The following SCARA5 variants were observed in gnomAD, a reference collection of about 807,000 sequenced individuals.
SCARA5 encodes scavenger receptor class A, member 5 (putative).
A neutral mutation model predicts 46.3 loss-of-function variants in SCARA5; 45 were observed. The observed-to-expected ratio is 0.97, with a 90% CI of 0.76 to 1.24. The LOEUF (loss-of-function observed/expected upper bound fraction) is 1.24. Among genes scored for constraint, SCARA5 ranks in the 50% most tolerant of loss-of-function variants. SCARA5 has a pLI of 0.00. For synonymous variants in SCARA5, 333 were observed against 306.5 expected (o/e 1.09, Z -0.90); for missense variants, 680 against 689.0 (o/e 0.99, Z 0.15).
In SCARA5 at chr8:27,938,202, C is replaced by G. The variant is rs930789548; in HGVS notation, c.242-15957G>C. Among the ~76,000 whole-genome samples the G allele has an allele frequency of 1.3e-4, 20 of 152,318 alleles. No homozygotes were observed. In the South Asian group the frequency reaches 1.7e-3, roughly 13 times the overall value. ...GCGCTTCCTCAAATCACTGATGCCA[C>G]CCTTGGCTAACACACGTGCAGGGTC... On this transcript the variant is annotated intron_variant, in intron 3 of 8. Transcript: ENST00000354914.
chr8:27,921,112 C>T (rs758738948), intron 4 of SCARA5, among the ~76,000 whole-genome samples: 5 of 152,226 alleles, frequency 3.3e-5, no homozygotes, highest in Non-Finnish European at 7.3e-5. Context: ...GCCTAGAAGG[C>T]CAGGTTCAAG....
intron 7 of SCARA5, among the ~76,000 whole-genome samples, chr8:27,884,016 GAA>G (rs1806852677): frequency 6.6e-6 from 1 of 152,082 alleles, no homozygotes. Flanking sequence ...AGAAAGGAGA[GAA>G]CTCAGAACTG....
At chr8:27,912,206 T>G (rs1420288544) in intron 4 of SCARA5, among the ~76,000 whole-genome samples, 1 of 152,188 alleles carries the variant, frequency 6.6e-6, no homozygotes. Context: ...AGTAACGTCT[T>G]GCACAATAAA....
At chr8:27,913,148 T>A (rs1807404152) in intron 4 of SCARA5, among the ~76,000 whole-genome samples, 1 of 152,192 alleles carries the variant, frequency 6.6e-6, no homozygotes, top group South Asian at 2.1e-4. Flanking sequence ...GAGGCAGGGC[T>A]CAAGAACATG....
chr8:27,962,378 A>G (rs1268082166), intron 3 of SCARA5, among the ~76,000 whole-genome samples: 2 of 152,218 alleles, frequency 1.3e-5, no homozygotes, highest in Non-Finnish European at 2.9e-5. Context: ...GAGACAGAAA[A>G]TAATTGGTGC....
At chr8:27,930,322 G>C (rs1585496503) in intron 3 of SCARA5, among the ~76,000 whole-genome samples, 1 of 152,124 alleles carries the variant, frequency 6.6e-6, no homozygotes, top group Non-Finnish European at 1.5e-5. Flanking sequence ...TCTCTTGTCT[G>C]CTGCCATGTG....
intron 7 of SCARA5, among the ~76,000 whole-genome samples, chr8:27,902,357 T>G (rs958705906): frequency 6.8e-6 from 1 of 147,100 alleles, no homozygotes; most frequent in African/African-American, 2.5e-5. Context: ...CCCGCACCCC[T>G]GTGGCTCTGG....
chr8:27,963,957 G>T (rs1036579636), intron 3 of SCARA5, among the ~76,000 whole-genome samples: 4 of 152,152 alleles, frequency 2.6e-5, no homozygotes, highest in Admixed American at 2.6e-4. Context: ...TGACCTCTCT[G>T]GGCACAGGCA....
intron 3 of SCARA5, among the ~76,000 whole-genome samples, chr8:27,950,410 GC>G (rs2129898524): frequency 1.4e-5 from 1 of 73,946 alleles, no homozygotes; most frequent in African/African-American, 3.9e-5. Flanking sequence ...TCATGCCCGT[GC>G]TTGGGGGGCA....
intron 3 of SCARA5, among the ~76,000 whole-genome samples, chr8:27,945,697 A>C (rs1808025113): frequency 6.6e-6 from 1 of 152,136 alleles, no homozygotes; most frequent in Non-Finnish European, 1.5e-5. Flanking sequence ...CCCCTATAGC[A>C]CCCCATGGTA....
intron 3 of SCARA5, among the ~76,000 whole-genome samples, chr8:27,957,977 G>A (rs1241879753): frequency 6.6e-6 from 1 of 152,158 alleles, no homozygotes; most frequent in Admixed American, 6.5e-5. Context: ...AAGCAGCCAA[G>A]CAGTACACAA....
chr8:27,949,409 G>T (rs1465726869), intron 3 of SCARA5, among the ~76,000 whole-genome samples: 1 of 152,194 alleles, frequency 6.6e-6, no homozygotes, highest in Non-Finnish European at 1.5e-5. Flanking sequence ...CTGTGAATGG[G>T]GATAATAGTG....
intron 3 of SCARA5, among the ~76,000 whole-genome samples, chr8:27,936,257 T>C (rs1016953453): frequency 1.7e-4 from 26 of 152,122 alleles, no homozygotes; most frequent in Admixed American, 1.3e-3. Context: ...CCTGAATGCC[T>C]CCCTGAGCTG....
At chr8:27,879,854 G>A in intron 7 of SCARA5, 88 bp from the exon 8 acceptor site, 2 of 1,309,764 alleles carry the variant, frequency 1.5e-6, no homozygotes. Context: ...CTACCCCTGG[G>A]TAGGAGGAAG....
At chr8:27,974,014 T>C (rs570477055) in intron 2 of SCARA5, among the ~76,000 whole-genome samples, 68 of 152,246 alleles carry the variant, frequency 4.5e-4, no homozygotes, top group Middle Eastern at 6.8e-3. Context: ...GCAACGGACA[T>C]TAAAGAACAG....
In SCARA5 at chr8:27,904,467, A is replaced by G. The variant is rs546967071; in HGVS notation, c.1153+311T>C. ...TAAGGTAAAGACTCCTGTTATCCCT[A>G]TTTTATAGATGAGAACACTGAGGCA... On this transcript the variant is annotated intron_variant, in intron 7 of 8. Transcript: ENST00000354914. The G allele has an allele frequency of 6.4e-5, 33 of 514,002 alleles. No individual in the cohort carries two copies. The Admixed American group carries it at 6.6e-4, about 10-fold the overall frequency. 31.8% of individuals were successfully genotyped at this position (514,002 alleles called of 1,614,324 possible).
rs572657282 is a variant in SCARA5, at chr8:27,949,622, C to T, written c.241+16792G>A. On this transcript the variant is annotated intron_variant, in intron 3 of 8. Coordinates refer to ENST00000354914, the MANE Select transcript of SCARA5 (RefSeq NM_173833.6). The stretch of plus-strand genomic sequence containing the variant: ...CAGCCTGGAAGCAGGGCAGGCAGAT[C>T]GGAGAGCAGCAGCAGTGCCTGACTC... 1.4e-3 allele frequency among the ~76,000 whole-genome samples: 215 copies of T among 152,320 alleles called. 4 individuals are homozygous for T. The South Asian group carries it at 0.032, about 22-fold the overall frequency.
At chr8:27,925,505 T>A (rs1345675208) in intron 3 of SCARA5, among the ~76,000 whole-genome samples, 1 of 152,198 alleles carries the variant, frequency 6.6e-6, no homozygotes, top group African/African-American at 2.4e-5. Flanking sequence ...GATTAAAGAC[T>A]TAAATGTTAC....
At chr8:27,974,086 G>T (rs1374460452) in intron 2 of SCARA5, among the ~76,000 whole-genome samples, 2 of 152,128 alleles carry the variant, frequency 1.3e-5, no homozygotes, top group Admixed American at 6.5e-5. Flanking sequence ...TAGGGAGAGG[G>T]TCCCCCAGTG....
Sources: allele counts gnomAD v4.1 joint callset (sites outside exome capture counted in the v4.1 genomes callset), GRCh38; gene constraint gnomAD v4.1.1; transcripts MANE v1.5; gene names NCBI Gene and HGNC (gene_info 2026-07-23, HGNC 2026-07-21).